The following ANGPTL5 variants were observed in gnomAD, a reference collection of about 807,000 sequenced individuals.
ANGPTL5 encodes the protein angiopoietin like 5.
Under a neutral mutation model 39.4 loss-of-function variants are expected in ANGPTL5, and 34 were observed. The ratio of observed to expected loss-of-function variants is 0.86; its 90% CI spans 0.66 to 1.15. The LOEUF (loss-of-function observed/expected upper bound fraction) is 1.15. ANGPTL5 is among the 50% of genes most tolerant of loss of function. The pLI is 0.00. For missense variants in ANGPTL5, 467 were observed against 457.5 expected (o/e 1.02, Z -0.19); for synonymous variants, 146 against 152.1 (o/e 0.96, Z 0.29).
chr11:101,914,028 C>A (rs879518732), intron 1 of ANGPTL5, among the ~76,000 whole-genome samples: 8 of 152,154 alleles, frequency 5.3e-5, no homozygotes, highest in Non-Finnish European at 1.2e-4. Flanking sequence ...TAAAATCTGT[C>A]GCCAGTGTAC....
intron 6 of ANGPTL5, among the ~76,000 whole-genome samples, chr11:101,901,149 T>G (rs1939892503): frequency 6.6e-6 from 1 of 151,902 alleles, no homozygotes; most frequent in South Asian, 2.1e-4. Context: ...AGTGCTGAGA[T>G]TACAGGCGTG....
intron 6 of ANGPTL5, 68 bp from the exon 7 acceptor site, chr11:101,900,618 A>C: frequency 7.9e-6 from 12 of 1,521,762 alleles, no homozygotes; most frequent in Non-Finnish European, 1.1e-5. Context: ...TATAACACTC[A>C]TGCTTCATCC....
rs1940213224 is a variant in ANGPTL5, at chr11:101,916,376, A to G, written c.-450T>C. ...TCTAGGGATACAAATCTAGTGAGGA[A>G]GACAAATGTGTATAGAGCTTCACTA... On this transcript the variant is annotated 5_prime_UTR_variant, in exon 1 of 9. Coordinates refer to ENST00000334289, the MANE Select transcript of ANGPTL5 (RefSeq NM_178127.5). 6.6e-6 allele frequency: 1 copy of G among 152,214 alleles called. No individual in the cohort carries two copies. The highest frequency in any genetic ancestry group is 6.5e-5 in the Admixed American group (1 of 15,274). The allele number at this position is 152,214 out of a possible 1,614,324, so 9.4% of individuals were successfully genotyped here. A position where few individuals can be genotyped will look rare whatever the true frequency, so the allele number is the denominator to read the frequency against.
At chr11:101,902,892 G>A (rs534996473) in intron 5 of ANGPTL5, among the ~76,000 whole-genome samples, 171 bp from the exon 6 acceptor site, 75 of 152,160 alleles carry the variant, frequency 4.9e-4, no homozygotes, top group African/African-American at 1.5e-3. Flanking sequence ...AAATATAAGG[G>A]ATTAAAGAAT....
At position 101,900,411 on chromosome 11, in the gene ANGPTL5, G is replaced by A; in HGVS notation, c.661+19C>T. ...CAAAAAGAGTAAACAATGTAGAGTA[G>A]AAATACAAAAAAATTAACCTAGAAG... On this transcript the variant is annotated intron_variant, in intron 7 of 8. Transcript: ENST00000334289. 1 of 1,609,020 alleles carries A rather than the reference G, an allele frequency of 6.2e-7. No homozygotes were observed. Among genetic ancestry groups the A allele is most frequent in the Non-Finnish European group, 8.5e-7 (1 of 1,178,054 alleles).
chr11:101,900,441 C>T lies in ANGPTL5; in HGVS notation c.650G>A (p.Gly217Glu), dbSNP rs760507880. 3.7e-6 allele frequency: 6 copies of T among 1,613,102 alleles called. No homozygotes were observed. The East Asian group carries it at 1.1e-4, about 30-fold the overall frequency. Reference sequence around the variant, plus strand: ...ACAAAAAAATTAACCTAGAAGATCTCCAAATCCATCCAGATAATCACACCA... The same window carrying T: ...ACAAAAAAATTAACCTAGAAGATCTTCAAATCCATCCAGATAATCACACCA... The part of the protein sequence containing the change: ...RLWCDYLDGF[G>E]DLLGEFWLGL... The change falls in exon 7 of 9, where the codon GGA becomes GAA. Residue 217 changes from glycine to glutamate, a missense_variant. Transcript: ENST00000334289.
At chr11:101,905,556 T>C (rs944446967) in intron 4 of ANGPTL5, among the ~76,000 whole-genome samples, 188 bp downstream of exon 4, 1 of 152,214 alleles carries the variant, frequency 6.6e-6, no homozygotes. Context: ...CACTAGACCA[T>C]ACCCCTTGAA....
chr11:101,901,582 A>C (rs1454985908), intron 6 of ANGPTL5, among the ~76,000 whole-genome samples: 1 of 152,176 alleles, frequency 6.6e-6, no homozygotes, highest in Non-Finnish European at 1.5e-5. Context: ...GAGAAAAGGC[A>C]GTGTGGAGGA....
Position 101,904,869 on chromosome 11 carries a change from T to G in ANGPTL5, c.384A>C (p.Thr128=). 1 of 1,613,720 alleles carries G rather than the reference T, an allele frequency of 6.2e-7. No homozygotes were observed. Among genetic ancestry groups the G allele is most frequent in the Non-Finnish European group, 8.5e-7 (1 of 1,179,688 alleles). The change falls in exon 5 of 9, where the codon ACA becomes ACC. Residue 128 remains threonine, a synonymous_variant. Transcript: ENST00000334289. ...ELMNRVLLLT[T]EVFRKQLDPF... The stretch of plus-strand genomic sequence containing the variant: ...GATCCAGCTGTTTTCTAAAAACTTC[T>G]GTAGTCAAAAGGAGAACTCTATTCA...
At position 101,891,523 on chromosome 11, in the gene ANGPTL5, T is replaced by C. The variant is rs755769571; in HGVS notation, c.923A>G (p.Asp308Gly). 12 of 1,614,102 alleles carry C rather than the reference T, an allele frequency of 7.4e-6. No homozygotes were observed. The Admixed American group carries it at 1.8e-4, about 25-fold the overall frequency. Residue 308 changes from aspartate to glycine, a missense_variant, in exon 9 of 9, where the codon GAT (aspartate) becomes GGT (glycine). Coordinates refer to ENST00000334289, the MANE Select transcript of ANGPTL5 (RefSeq NM_178127.5). ...MPFSTSDVDN[D>G]GCRPACLVNG... ...GACCAGGCATGCAGGGCGACACCCA[T>C]CATTATCAACATCTGATGTGCTAAA...
intron 8 of ANGPTL5, among the ~76,000 whole-genome samples, chr11:101,893,424 T>C (rs1262775638): frequency 6.6e-6 from 1 of 152,246 alleles, no homozygotes; most frequent in Non-Finnish European, 1.5e-5. Flanking sequence ...ATTGGTTTTA[T>C]CTGTATTTCT....
At position 101,890,863 on chromosome 11, in the gene ANGPTL5, A is replaced by ACC. The variant is rs1939679553; in HGVS notation, c.*415_*416insGG. 3 of 158,956 alleles carry ACC rather than the reference A, an allele frequency of 1.9e-5. No homozygotes were observed. 9.8% of individuals were successfully genotyped at this position (158,956 alleles called of 1,614,324 possible). A position where few individuals can be genotyped will look rare whatever the true frequency, so the allele number is the denominator to read the frequency against. On this transcript the variant is annotated 3_prime_UTR_variant, in exon 9 of 9. Coordinates refer to ENST00000334289, the MANE Select transcript of ANGPTL5 (RefSeq NM_178127.5). Reference sequence around the variant, plus strand: ...TATATTAATCTGCATAAAGTTATTTATTGTAACTGTCTTCAGTAGAAATTA... The same window carrying ACC: ...TATATTAATCTGCATAAAGTTATTTACCTTGTAACTGTCTTCAGTAGAAATTA...
intron 6 of ANGPTL5, 129 bp downstream of exon 6, chr11:101,902,492 C>G: frequency 1.3e-6 from 1 of 786,762 alleles, no homozygotes; most frequent in Non-Finnish European, 2.0e-6. Flanking sequence ...TAGAACTTTA[C>G]CTAATTTATT....
At chr11:101,899,887 A>C (rs923620146) in intron 7 of ANGPTL5, among the ~76,000 whole-genome samples, 1 of 152,240 alleles carries the variant, frequency 6.6e-6, no homozygotes, top group African/African-American at 2.4e-5. Flanking sequence ...GTTTACCAGC[A>C]AATGTGATGG....
chr11:101,903,583 G>T (rs894521681), intron 5 of ANGPTL5, among the ~76,000 whole-genome samples: 4 of 152,092 alleles, frequency 2.6e-5, no homozygotes, highest in Non-Finnish European at 5.9e-5. Context: ...TGAAGAAAAT[G>T]CCATCTACAA....
At chr11:101,910,363 T>A (rs1445451509) in intron 1 of ANGPTL5, among the ~76,000 whole-genome samples, 5 of 147,104 alleles carry the variant, frequency 3.4e-5, no homozygotes, top group Non-Finnish European at 7.4e-5. Context: ...TGAGCCGAGA[T>A]CATGCCATTG....
chr11:101,908,630 A>C (rs1042158705), intron 1 of ANGPTL5, among the ~76,000 whole-genome samples: 7 of 151,932 alleles, frequency 4.6e-5, no homozygotes, highest in Non-Finnish European at 1.0e-4. Context: ...AAATACAAAA[A>C]TTAGCCGGGC....
chr11:101,911,545 T>G (rs2137067423), intron 1 of ANGPTL5, among the ~76,000 whole-genome samples: 1 of 152,218 alleles, frequency 6.6e-6, no homozygotes, highest in East Asian at 1.9e-4. Flanking sequence ...AGTAAGTGAG[T>G]TCTCATGAGA....
rs778647181 is a variant in ANGPTL5, at chr11:101,904,908, C to T, written c.346-1G>A. The stretch of plus-strand genomic sequence containing the variant: ...GAACTCTATTCATGAGCTCGTTAAC[C>T]TAAACACATGCATACACATTTAAGT... On this transcript the variant is annotated splice_acceptor_variant, in intron 4 of 8. Transcript: ENST00000334289. LOFTEE classifies it high-confidence loss of function. The T allele has an allele frequency of 6.2e-7, 1 of 1,607,042 alleles. No homozygotes were observed. The highest frequency in any genetic ancestry group is 2.2e-5 in the East Asian group (1 of 44,810).
Sources: gnomAD v4.1 joint callset for allele counts (sites outside exome capture counted in the v4.1 genomes callset) on GRCh38, gnomAD v4.1.1 for gene constraint, MANE v1.5 for transcripts, NCBI Gene and HGNC (gene_info 2026-07-23, HGNC 2026-07-21) for gene names.